XDH: variants seen among roughly 807,000 people sequenced by gnomAD.
The protein encoded by XDH is xanthine dehydrogenase.
XDH carries 138 observed loss-of-function variants against 156.1 expected under a neutral mutation model. That is an observed-to-expected ratio of 0.88 (90% confidence interval 0.77 to 1.02). The LOEUF (loss-of-function observed/expected upper bound fraction) is 1.02, where lower values mean the gene tolerates loss of function less well. Ranked by LOEUF, XDH falls within the 50% of genes least tolerant of loss-of-function variation. The pLI, the probability that XDH is intolerant of heterozygous loss-of-function variation, is 0.00. For missense variants in XDH, 1,849 were observed against 1,684.9 expected, an observed-to-expected ratio of 1.10 and a Z score of -1.71; for synonymous variants, 669 against 625.7, an observed-to-expected ratio of 1.07 and a Z score of -1.03.
chr2:31,401,768 AT>A (rs1687066766), intron 3 of XDH, among the ~76,000 whole-genome samples: 1 of 152,054 alleles, frequency 6.6e-6, no homozygotes, highest in South Asian at 2.1e-4. Context: ...TATTGCTTTC[AT>A]TTCTCTGTGG....
intron 32 of XDH, among the ~76,000 whole-genome samples, 185 bp from the exon 33 acceptor site, chr2:31,341,579 C>T (rs553432978): frequency 2.0e-5 from 3 of 152,124 alleles, no homozygotes; most frequent in African/African-American, 4.8e-5. Context: ...CCACCATCCC[C>T]GCTGGAGTCT....
At chr2:31,398,892 T>C (rs562509509) in intron 4 of XDH, among the ~76,000 whole-genome samples, 193 bp from the exon 5 acceptor site, 2 of 152,168 alleles carry the variant, frequency 1.3e-5, no homozygotes, top group Non-Finnish European at 2.9e-5. Flanking sequence ...AGGTTCTTCA[T>C]CTGTATGATG....
rs149892375 is a variant in XDH at position 31,390,195 on chromosome 2, T to C, written c.496-1900A>G. ...TCATCCCTCTGTTTCCCCTAATCACTGGCAACCACTAGTCTTTTTACTGCC... is the reference window on the plus strand; with the variant it reads ...TCATCCCTCTGTTTCCCCTAATCACCGGCAACCACTAGTCTTTTTACTGCC... On this transcript the variant is annotated intron_variant, in intron 6 of 35. Transcript: ENST00000379416. Among the ~76,000 whole-genome samples, 310 of 152,334 alleles carry C rather than the reference T, an allele frequency of 2.0e-3. 2 individuals carry two copies. The highest frequency in any genetic ancestry group is 3.2e-3 in the Non-Finnish European group (221 of 68,012).
At chr2:31,402,625 A>G (rs1170636814) in intron 3 of XDH, among the ~76,000 whole-genome samples, 1 of 152,112 alleles carries the variant, frequency 6.6e-6, no homozygotes, top group East Asian at 1.9e-4. Context: ...AGACCAAGCA[A>G]TTAGTGGGCC....
At chr2:31,389,688 C>A (rs772842293) in intron 6 of XDH, 1 of 152,020 alleles carries the variant, frequency 6.6e-6, no homozygotes, top group Non-Finnish European at 1.5e-5. Flanking sequence ...CTTGATAATT[C>A]ATTGGTGTGT....
intron 6 of XDH, among the ~76,000 whole-genome samples, chr2:31,392,422 T>A (rs1370679688): frequency 6.6e-6 from 1 of 151,580 alleles, no homozygotes; most frequent in Non-Finnish European, 1.5e-5. Flanking sequence ...TTTTATTATT[T>A]ATTTATTTAT....
chr2:31,414,043 G>A (rs1687412090), intron 1 of XDH, among the ~76,000 whole-genome samples: 1 of 151,990 alleles, frequency 6.6e-6, no homozygotes, highest in African/African-American at 2.4e-5. Context: ...GGAGTGGGGG[G>A]AATGCAGGAG....
chr2:31,382,908 G>A, intron 11 of XDH, 93 bp downstream of exon 11: 1 of 1,575,528 alleles, frequency 6.3e-7, no homozygotes, highest in Non-Finnish European at 8.7e-7. Context: ...AAAGTTTGAG[G>A]CCCACTGCAC....
At chr2:31,372,434 A>G (rs1686099721) in intron 16 of XDH, 37 bp from the exon 17 acceptor site, 2 of 1,613,472 alleles carry the variant, frequency 1.2e-6, no homozygotes, top group Middle Eastern at 1.7e-4. Context: ...GTGAGCTGCC[A>G]AGGACACTGC....
chr2:31,354,572 C>G (rs1072012), intron 24 of XDH, among the ~76,000 whole-genome samples: 113,990 of 152,070 alleles, frequency 0.75, 42,814 homozygotes, highest in East Asian at 0.85. Flanking sequence ...GATAGTCTCA[C>G]CAAAGACATA....
intron 24 of XDH, among the ~76,000 whole-genome samples, chr2:31,358,309 C>T (rs908272291): frequency 1.3e-5 from 2 of 152,106 alleles, no homozygotes; most frequent in African/African-American, 4.8e-5. Flanking sequence ...CAGGTCCAAA[C>T]GATTTCACTG....
chr2:31,361,186 C>T (rs1026458042), intron 24 of XDH, among the ~76,000 whole-genome samples: 2 of 152,176 alleles, frequency 1.3e-5, no homozygotes, highest in African/African-American at 4.8e-5. Context: ...GCTACAAACA[C>T]GCTCCTTCCA....
At chr2:31,342,363 T>C (rs2148750508) in intron 31 of XDH, 66 bp from the exon 32 acceptor site, 2 of 1,379,098 alleles carry the variant, frequency 1.5e-6, no homozygotes, top group Non-Finnish European at 2.1e-6. Context: ...CCTATGCACG[T>C]ACAGCTTGAC....
chr2:31,345,867 C>T (rs886752903), intron 30 of XDH, among the ~76,000 whole-genome samples: 1 of 152,152 alleles, frequency 6.6e-6, no homozygotes, highest in Admixed American at 6.5e-5. Flanking sequence ...ACATTGTTGT[C>T]GGGACTGTTG....
At chr2:31,405,819 C>T (rs1687176984) in intron 2 of XDH, 88 bp downstream of exon 2, 1 of 1,508,842 alleles carries the variant, frequency 6.6e-7, no homozygotes, top group Admixed American at 1.7e-5. Context: ...AAGGCCACCC[C>T]ACCAGTCACT....
chr2:31,348,267 C>A lies in XDH; in HGVS notation c.3147+1G>T. On this transcript the variant is annotated splice_donor_variant, in intron 28 of 35. Transcript: ENST00000379416. LOFTEE classifies it high-confidence loss of function. Reference sequence around the variant, plus strand: ...CAACACTGCCAGAGAGGGCTGCTCACCTGGACCATTTTGGTATGAAGGCCT... The same window carrying A: ...CAACACTGCCAGAGAGGGCTGCTCAACTGGACCATTTTGGTATGAAGGCCT... 1 of 1,614,082 alleles carries A rather than the reference C, an allele frequency of 6.2e-7. No homozygotes were observed. The highest frequency in any genetic ancestry group is 8.5e-7 in the Non-Finnish European group (1 of 1,179,936).
intron 24 of XDH, among the ~76,000 whole-genome samples, chr2:31,353,411 T>A (rs1276023888): frequency 6.6e-6 from 1 of 152,130 alleles, no homozygotes. Context: ...ATACTTCCAT[T>A]AAGTACCACT....
At chr2:31,411,664 C>T (rs1687346133) in intron 1 of XDH, among the ~76,000 whole-genome samples, 1 of 152,098 alleles carries the variant, frequency 6.6e-6, no homozygotes, top group Admixed American at 6.6e-5. Flanking sequence ...AAAATTCATC[C>T]ACTTATTCCA....
In XDH at chr2:31,386,561, A is replaced by G. The variant is rs775787175; in HGVS notation, c.652-6T>C. ...CGAGGAGTGTCTTTCAGCCTCTGGG[A>G]AATGCAGTTTTCTTACTACACTGTC... On this transcript the variant is annotated splice_region_variant and splice_polypyrimidine_tract_variant and intron_variant, in intron 8 of 35. Transcript: ENST00000379416. The G allele has an allele frequency of 6.2e-7, 1 of 1,614,068 alleles. No individual in the cohort carries two copies. Among genetic ancestry groups the G allele is most frequent in the South Asian group, 1.1e-5 (1 of 91,070 alleles).
Sources: allele counts gnomAD v4.1 joint callset (sites outside exome capture counted in the v4.1 genomes callset), GRCh38; gene constraint gnomAD v4.1.1; transcripts MANE v1.5; gene names NCBI Gene and HGNC (gene_info 2026-07-23, HGNC 2026-07-21).